Variants in CDC5L observed in about 807,000 individuals in gnomAD.
The protein encoded by CDC5L is cell division cycle 5-like protein.
In CDC5L, 18 loss-of-function variants were observed where a neutral mutation model predicts 104.1. That is an observed-to-expected ratio of 0.17 (90% CI 0.12 to 0.26). CDC5L has a LOEUF of 0.26. CDC5L is among the 10% of genes least tolerant of loss of function. The pLI, the probability that CDC5L is intolerant of heterozygous loss-of-function variation, is 1.00. For synonymous variants in CDC5L, 331 were observed against 322.7 expected (o/e 1.03, Z -0.28); for missense variants, 673 against 956.9 (o/e 0.70, Z 3.91).
At chr6:44,445,936 A>G in intron 15 of CDC5L, 69 bp downstream of exon 15, 1 of 1,187,170 alleles carries the variant, frequency 8.4e-7, no homozygotes, top group Non-Finnish European at 1.2e-6. Context: ...GTCCTCTTTT[A>G]CTTCTCCTAT....
chr6:44,395,625 A>G (rs1790835731), intron 4 of CDC5L, among the ~76,000 whole-genome samples: 1 of 152,250 alleles, frequency 6.6e-6, no homozygotes, highest in Admixed American at 6.5e-5. Flanking sequence ...GGCTGGCTGC[A>G]TCATTATCAC....
chr6:44,429,675 G>C, intron 13 of CDC5L, 38 bp from the exon 14 acceptor site: 1 of 1,560,112 alleles, frequency 6.4e-7, no homozygotes, highest in East Asian at 2.2e-5. Context: ...GCAAGTGTTT[G>C]TAGTACTTAA....
At chr6:44,407,208 T>C (rs1023735150) in intron 7 of CDC5L, among the ~76,000 whole-genome samples, 1 of 152,212 alleles carries the variant, frequency 6.6e-6, no homozygotes, top group Admixed American at 6.5e-5. Flanking sequence ...AGACAACAGT[T>C]GTGAAAGTCA....
chr6:44,402,294 C>T (rs574831495), intron 5 of CDC5L, among the ~76,000 whole-genome samples: 1 of 151,862 alleles, frequency 6.6e-6, no homozygotes, highest in African/African-American at 2.4e-5. Flanking sequence ...GTTCCTATTT[C>T]TCCACATCCT....
At chr6:44,394,523 A>T (rs1790760484) in intron 4 of CDC5L, among the ~76,000 whole-genome samples, 1 of 152,158 alleles carries the variant, frequency 6.6e-6, no homozygotes, top group Non-Finnish European at 1.5e-5. Flanking sequence ...TAGAAAGTAT[A>T]TGGAATCAAC....
Position 44,449,215 on chromosome 6 carries a change from C to T in CDC5L, c.*2504C>T, listed in dbSNP as rs1186780364. On this transcript the variant is annotated 3_prime_UTR_variant, in exon 16 of 16. Transcript: ENST00000371477. The stretch of plus-strand genomic sequence containing the variant: ...CGGCAGGAATTACAAAATTTCAAAA[C>T]TGGCACATTGTAAACTGCATATGCA... 6.6e-6 allele frequency: 1 copy of T among 152,214 alleles called. No homozygotes were observed. Among genetic ancestry groups the T allele is most frequent in the Non-Finnish European group, 1.5e-5 (1 of 68,042 alleles). 9.4% of individuals were successfully genotyped at this position (152,214 alleles called of 1,614,324 possible).
rs1790439989 is a variant in CDC5L at position 44,388,228 on chromosome 6, T to C, written c.45+360T>C. ...GTTGGTCCCCCGGGGCACCATCCAC[T>C]CTTAGTCCAGGCACCACGACTCTGT... On this transcript the variant is annotated intron_variant, in intron 1 of 15. Transcript: ENST00000371477. Among the ~76,000 whole-genome samples the C allele has an allele frequency of 2.2e-5, 3 of 136,050 alleles. No homozygotes were observed. The South Asian group carries it at 7.3e-4, about 33-fold the overall frequency. The allele number at this position is 136,050 out of a possible 152,430, so 89.3% of individuals were successfully genotyped here. A position where few individuals can be genotyped will look rare whatever the true frequency, so the allele number is the denominator to read the frequency against.
chr6:44,405,707 A>G (rs1791331685), intron 6 of CDC5L, among the ~76,000 whole-genome samples: 1 of 152,176 alleles, frequency 6.6e-6, no homozygotes, highest in African/African-American at 2.4e-5. Context: ...TTCATAATAT[A>G]GGAATAGTTT....
Position 44,408,470 on chromosome 6 carries a change from T to C in CDC5L, c.930T>C (p.Val310=). Residue 310 remains valine, a synonymous_variant, in exon 8 of 16, where the codon GTT becomes GTC. Transcript: ENST00000371477. ...PQISDAELQE[V]VKVGQASEIA... The stretch of plus-strand genomic sequence containing the variant: ...TTTCAGATGCAGAACTCCAGGAAGT[T>C]GTAAAAGTAGGCCAAGCGAGTGAAA... The C allele has an allele frequency of 1.2e-6, 2 of 1,613,188 alleles. No homozygotes were observed. Among genetic ancestry groups the C allele is most frequent in the Non-Finnish European group, 1.7e-6 (2 of 1,179,482 alleles).
At chr6:44,434,779 G>A (rs1792849873) in intron 14 of CDC5L, among the ~76,000 whole-genome samples, 1 of 152,094 alleles carries the variant, frequency 6.6e-6, no homozygotes, top group Non-Finnish European at 1.5e-5. Context: ...AACAAACTTA[G>A]CTTGAAAGTA....
intron 9 of CDC5L, 23 bp downstream of exon 9, chr6:44,419,620 T>TCTAAA: frequency 6.3e-7 from 1 of 1,594,000 alleles, no homozygotes; most frequent in Non-Finnish European, 8.6e-7. Context: ...AACACGTTTT[T>TCTAAA]ATTTTAGAAA....
intron 5 of CDC5L, among the ~76,000 whole-genome samples, chr6:44,399,941 C>T (rs1455756476): frequency 6.6e-6 from 1 of 152,086 alleles, no homozygotes; most frequent in Non-Finnish European, 1.5e-5. Context: ...TGAGCCACCA[C>T]ACCTGGCTAC....
chr6:44,405,846 GGTAAGTAATGGT>G (rs1287594565), intron 6 of CDC5L, among the ~76,000 whole-genome samples: 1 of 151,688 alleles, frequency 6.6e-6, no homozygotes, highest in African/African-American at 2.4e-5. Flanking sequence ...TCTTGAATAT[GGTAAGTAATGGT>G]GTAGGGGACT....
At chr6:44,412,177 T>A (rs1301357515) in intron 8 of CDC5L, among the ~76,000 whole-genome samples, 1 of 152,238 alleles carries the variant, frequency 6.6e-6, no homozygotes, top group African/African-American at 2.4e-5. Context: ...GTATTGCTCG[T>A]GCATGTGCAG....
In CDC5L at chr6:44,403,966, C is replaced by G. The variant is rs1337564982; in HGVS notation, c.697C>G (p.Gln233Glu). 1.2e-6 allele frequency: 2 copies of G among 1,613,748 alleles called. No homozygotes were observed. Among genetic ancestry groups the G allele is most frequent in the African/African-American group, 1.3e-5 (1 of 74,968 alleles). ...GFYDTSEENY[Q>E]ALDADFRKLR... The stretch of plus-strand genomic sequence containing the variant: ...TTATGATACTTCTGAGGAAAACTAC[C>G]AAGCTCTTGACGCAGATTTCAGGAA... Residue 233 changes from glutamine (Q) to glutamate (E), a missense_variant, in exon 6 of 16, where the codon CAA becomes GAA. Gln to Glu is a conservative substitution (Grantham distance 29). Coordinates refer to ENST00000371477, the MANE Select transcript of CDC5L (RefSeq NM_001253.4).
At chr6:44,426,288 T>C (rs1792418803) in intron 12 of CDC5L, 105 bp downstream of exon 12, 1 of 843,224 alleles carries the variant, frequency 1.2e-6, no homozygotes, top group Non-Finnish European at 1.9e-6. Context: ...TCATCTACTT[T>C]CTGGAATATA....
At chr6:44,388,770 C>T (rs552228184) in intron 1 of CDC5L, among the ~76,000 whole-genome samples, 13 of 150,644 alleles carry the variant, frequency 8.6e-5, no homozygotes, top group Non-Finnish European at 1.6e-4. Flanking sequence ...CTTGGAATCT[C>T]TGTAAGAATT....
Position 44,396,406 on chromosome 6 carries a change from A to T in CDC5L, c.505A>T (p.Arg169Trp). 1 of 1,612,914 alleles carries T rather than the reference A, an allele frequency of 6.2e-7. No homozygotes were observed. Among genetic ancestry groups the T allele is most frequent in the Non-Finnish European group, 8.5e-7 (1 of 1,179,220 alleles). The change falls in exon 5 of 16, where the codon AGG becomes TGG. Residue 169 changes from arginine (R) to tryptophan (W), a missense_variant. By Grantham distance (101) the Arg-to-Trp change is moderately radical (BLOSUM62 -3). Coordinates refer to ENST00000371477, the MANE Select transcript of CDC5L (RefSeq NM_001253.4). The stretch of plus-strand genomic sequence containing the variant: ...TAATACTCAGGGAAAGAAGGCCAAG[A>T]GGAAAGCAAGAGAGAAACAATTGGA... ...LANTQGKKAK[R>W]KAREKQLEEA...
rs2153377316 is a variant in CDC5L at position 44,406,365 on chromosome 6, G to A, written c.801G>A (p.Leu267=). The stretch of plus-strand genomic sequence containing the variant: ...ATAGAAAAAAAGACAAACAGCATTT[G>A]AAAAGGAAAAAAGAATCTGATTTAC... The part of the protein sequence containing the change: ...GRDRKKDKQH[L]KRKKESDLPS... Residue 267 remains leucine, a synonymous_variant, in exon 7 of 16, where the codon TTG becomes TTA. Transcript: ENST00000371477. The A allele has an allele frequency of 6.2e-7, 1 of 1,606,990 alleles. No individual in the cohort carries two copies.
Sources: gnomAD v4.1 joint callset for allele counts (sites outside exome capture counted in the v4.1 genomes callset) on GRCh38, gnomAD v4.1.1 for gene constraint, MANE v1.5 for transcripts, NCBI Gene and HGNC (gene_info 2026-07-23, HGNC 2026-07-21) for gene names.